The following RPL6 variants were observed in gnomAD, a reference collection of about 807,000 sequenced individuals.
The protein encoded by RPL6 is large ribosomal subunit protein eL6.
A neutral mutation model predicts 32.1 loss-of-function variants in RPL6; 1 was observed. The ratio of observed to expected loss-of-function variants is 0.03; its 90% CI spans 0.01 to 0.15. The LOEUF is 0.15. RPL6 is among the 10% of genes least tolerant of loss of function. The probability of loss-of-function intolerance (pLI) is 1.00; values close to 1 mark genes in which losing one functional copy is unlikely to be tolerated. For missense variants in RPL6, 275 were observed against 354.6 expected, an observed-to-expected ratio of 0.78 and a Z score of 1.80; for synonymous variants, 126 against 131.6, an observed-to-expected ratio of 0.96 and a Z score of 0.29.
intron 3 of RPL6, 36 bp downstream of exon 3, chr12:112,408,204 A>G: frequency 1.4e-6 from 2 of 1,474,132 alleles, no homozygotes; most frequent in South Asian, 1.2e-5. Context: ...ATTCAAGCAT[A>G]AACAGAAAAT....
chr12:112,408,301 A>T lies in RPL6; in HGVS notation c.275T>A (p.Val92Asp), dbSNP rs757961203. The T allele has an allele frequency of 6.2e-7, 1 of 1,614,238 alleles. No homozygotes were observed. Among genetic ancestry groups the T allele is most frequent in the South Asian group, 1.1e-5 (1 of 91,084 alleles). ...CTTGTCACCACCAACTGGTTTTGTA[A>T]CAGTTGCGAGAACCTTCTCCTTCTT... is the stretch of plus-strand genomic sequence containing the variant. ...KKKKEKVLAT[V>D]TKPVGGDKNG... The change falls in exon 3 of 7, where the codon GTT becomes GAT. Residue 92 changes from valine to aspartate, a missense_variant. Val to Asp is a radical substitution (Grantham distance 152, BLOSUM62 -3). Coordinates refer to ENST00000202773, the MANE Select transcript of RPL6 (RefSeq NM_000970.6).
intron 1 of RPL6, chr12:112,409,244 CT>C (rs1401101183): frequency 7.8e-6 from 3 of 383,916 alleles, no homozygotes; most frequent in Admixed American, 4.5e-5. Flanking sequence ...CTGCGACAGG[CT>C]CAGTGTCATC....
chr12:112,418,431 A>AT (rs1403837570), intron 1 of RPL6: 1 of 175,796 alleles, frequency 5.7e-6, no homozygotes, highest in African/African-American at 2.4e-5. Context: ...TTTTGTAGAG[A>AT]TGAGGTCTTG....
At chr12:112,409,983 G>T (rs940736860), upstream of RPL6, among the ~76,000 whole-genome samples, 3 of 145,668 alleles carry the variant, frequency 2.1e-5, no homozygotes, top group East Asian at 6.0e-4. Context: ...TGCGCTCTAG[G>T]CAACAGAGCA....
At chr12:112,411,312 C>A (rs539239857), upstream of RPL6, 1 of 152,232 alleles carries the variant, frequency 6.6e-6, no homozygotes, top group African/African-American at 2.4e-5. Flanking sequence ...TTCTAGCTTG[C>A]GTTTTCCATT....
intron 3 of RPL6, 123 bp downstream of exon 3, chr12:112,408,117 G>A (rs1289953025): frequency 7.2e-6 from 5 of 690,728 alleles, no homozygotes; most frequent in African/African-American, 3.6e-5. Context: ...CAAACCCAGA[G>A]CCCTTTATTT....
At chr12:112,408,384 G>C (rs762485111) in intron 2 of RPL6, 36 bp downstream of exon 2, 8 of 1,613,446 alleles carry the variant, frequency 5.0e-6, no homozygotes, top group Non-Finnish European at 6.8e-6. Context: ...GCCAATTAAG[G>C]TTAAGACATA....
intron 4 of RPL6, 36 bp from the exon 5 acceptor site, chr12:112,406,378 AT>A: frequency 6.4e-7 from 1 of 1,564,234 alleles, no homozygotes; most frequent in South Asian, 1.1e-5. Flanking sequence ...GTTTTCTGCA[AT>A]TAAAAACTGA....
At chr12:112,407,366 C>T (rs2037202741) in intron 3 of RPL6, 1 of 156,558 alleles carries the variant, frequency 6.4e-6, no homozygotes, top group Admixed American at 6.2e-5. Flanking sequence ...TCATTTATTG[C>T]AGAAGTTAGA....
intron 4 of RPL6, 136 bp from the exon 5 acceptor site, chr12:112,406,478 A>C: frequency 1.2e-6 from 1 of 842,242 alleles, no homozygotes; most frequent in Non-Finnish European, 1.9e-6. Context: ...TTCTGGAAGC[A>C]ACCACAGCAA....
At chr12:112,405,182 A>G (rs759039631), downstream of RPL6, 1 of 1,542,800 alleles carries the variant, frequency 6.5e-7, no homozygotes, top group South Asian at 1.2e-5. Context: ...AAAAAAAGAG[A>G]CACAAAATGT....
chr12:112,405,837 A>T lies in RPL6; in HGVS notation c.714+16T>A, dbSNP rs2037144413. The T allele has an allele frequency of 6.2e-7, 1 of 1,602,016 alleles. No homozygotes were observed. Among genetic ancestry groups the T allele is most frequent in the East Asian group, 2.2e-5 (1 of 44,798 alleles). Reference sequence around the variant, plus strand: ...AGGGCCAGTGCTAACACAGGAGATGACAAGTAGAAACTTACCTCTTTTTCT... The same window carrying T: ...AGGGCCAGTGCTAACACAGGAGATGTCAAGTAGAAACTTACCTCTTTTTCT... On this transcript the variant is annotated intron_variant, in intron 6 of 6. Coordinates refer to ENST00000202773, the MANE Select transcript of RPL6 (RefSeq NM_000970.6).
At chr12:112,409,141 G>A (rs1039356290) in intron 1 of RPL6, 47 of 273,990 alleles carry the variant, frequency 1.7e-4, no homozygotes, top group African/African-American at 9.2e-4. Flanking sequence ...AATTGAGCCA[G>A]AGAAAAAGAT....
upstream of RPL6, among the ~76,000 whole-genome samples, chr12:112,413,137 G>C (rs1425851899): frequency 2.0e-5 from 3 of 152,126 alleles, no homozygotes; most frequent in African/African-American, 7.2e-5. Flanking sequence ...TTGTTATTTA[G>C]TTTGTTGCAA....
At chr12:112,417,387 G>A (rs770805589) in intron 1 of RPL6, among the ~76,000 whole-genome samples, 2 of 151,482 alleles carry the variant, frequency 1.3e-5, no homozygotes, top group African/African-American at 2.4e-5. Flanking sequence ...AGTCATATGC[G>A]CATCAATCAA....
chr12:112,410,303 G>A, upstream of RPL6: 1 of 287,186 alleles, frequency 3.5e-6, no homozygotes, highest in Non-Finnish European at 7.0e-6. Flanking sequence ...TAGGTCAGTG[G>A]TCCCCTCTTC....
chr12:112,413,394 C>T (rs530672958), upstream of RPL6, among the ~76,000 whole-genome samples: 12 of 151,876 alleles, frequency 7.9e-5, no homozygotes, highest in Non-Finnish European at 1.8e-4. Flanking sequence ...AAAAATTAGC[C>T]GGGCATGGTG....
intron 1 of RPL6, among the ~76,000 whole-genome samples, chr12:112,417,306 C>T (rs971457453): frequency 6.6e-6 from 1 of 152,072 alleles, no homozygotes; most frequent in African/African-American, 2.4e-5. Flanking sequence ...GATCTGCTCT[C>T]CTTGGCCTCC....
chr12:112,406,687 C>A, intron 4 of RPL6, 60 bp downstream of exon 4: 10 of 1,600,112 alleles, frequency 6.2e-6, no homozygotes, highest in Non-Finnish European at 8.5e-6. Flanking sequence ...CGTGCAAACG[C>A]ATTGCCACCA....
Sources: allele counts gnomAD v4.1 joint callset (sites outside exome capture counted in the v4.1 genomes callset), GRCh38; gene constraint gnomAD v4.1.1; transcripts MANE v1.5; gene names NCBI Gene and HGNC (gene_info 2026-07-23, HGNC 2026-07-21).